ERBB4: variants seen among roughly 807,000 people sequenced by gnomAD.
ERBB4 encodes the protein erb-b2 receptor tyrosine kinase 4, also known as receptor tyrosine-protein kinase erbB-4.
ERBB4 carries 42 observed loss-of-function variants against 158.0 expected under a neutral mutation model. That is an observed-to-expected ratio of 0.27 (90% CI 0.21 to 0.34). ERBB4 has a LOEUF of 0.34. Among genes scored for constraint, ERBB4 ranks in the 10% least tolerant of loss-of-function variants. The probability of loss-of-function intolerance (pLI) is 1.00; values close to 1 mark genes in which losing one functional copy is unlikely to be tolerated. For synonymous variants in ERBB4, 583 were observed against 558.7 expected, an observed-to-expected ratio of 1.04 and a Z score of -0.61; for missense variants, 1,333 against 1,624.1, an observed-to-expected ratio of 0.82 and a Z score of 3.08.
At chr2:211,772,836 C>T (rs58066116) in intron 4 of ERBB4, among the ~76,000 whole-genome samples, 520 of 7,210 alleles carry the variant, frequency 0.072, 18 homozygotes, top group Middle Eastern at 0.2. Flanking sequence ...TATATATATA[C>T]ACATATATAT....
chr2:212,037,694 A>C (rs2077047279), intron 2 of ERBB4, among the ~76,000 whole-genome samples: 1 of 152,188 alleles, frequency 6.6e-6, no homozygotes, highest in Non-Finnish European at 1.5e-5. Flanking sequence ...TCTTATGTGC[A>C]GATTGGTTCT....
intron 19 of ERBB4, among the ~76,000 whole-genome samples, chr2:211,613,861 G>C (rs1431792039): frequency 1.3e-5 from 2 of 152,000 alleles, no homozygotes; most frequent in Non-Finnish European, 2.9e-5. Context: ...ACACTTTGGA[G>C]GTTCCTCAAA....
chr2:211,437,922 A>AAAGAT (rs1169257866), intron 20 of ERBB4, among the ~76,000 whole-genome samples: 1 of 152,202 alleles, frequency 6.6e-6, no homozygotes, highest in Non-Finnish European at 1.5e-5. Flanking sequence ...GGTTAGAGCT[A>AAAGAT]AAGATATAAG....
intron 1 of ERBB4, among the ~76,000 whole-genome samples, chr2:212,277,923 C>A (rs1311587302): frequency 6.6e-6 from 1 of 151,130 alleles, no homozygotes; most frequent in Non-Finnish European, 1.5e-5. Flanking sequence ...TATTTTAAAC[C>A]ATTGCAATAT....
At chr2:211,688,863 G>A (rs906074487) in intron 12 of ERBB4, among the ~76,000 whole-genome samples, 2 of 152,126 alleles carry the variant, frequency 1.3e-5, no homozygotes, top group African/African-American at 4.8e-5. Context: ...ATGCTTTCCT[G>A]TGTAGATAGG....
chr2:211,998,042 T>C (rs1031781900), intron 2 of ERBB4, among the ~76,000 whole-genome samples: 5 of 151,832 alleles, frequency 3.3e-5, no homozygotes, highest in Non-Finnish European at 7.4e-5. Context: ...GTGTGTGATG[T>C]TCCCAGGGGA....
intron 1 of ERBB4, among the ~76,000 whole-genome samples, chr2:212,207,915 C>A (rs573900540): frequency 6.8e-4 from 103 of 151,628 alleles, no homozygotes; most frequent in African/African-American, 2.0e-3. Flanking sequence ...TGATCTTCTG[C>A]AATTTTTTAA....
chr2:212,010,868 A>G (rs1435871970), intron 2 of ERBB4, among the ~76,000 whole-genome samples: 2 of 152,092 alleles, frequency 1.3e-5, no homozygotes, highest in African/African-American at 4.8e-5. Context: ...GGGTATTAAT[A>G]TTAATATTCC....
intron 1 of ERBB4, among the ~76,000 whole-genome samples, chr2:212,529,132 A>G (rs1431963876): frequency 6.6e-6 from 1 of 152,170 alleles, no homozygotes; most frequent in Non-Finnish European, 1.5e-5. Flanking sequence ...AAAAGCTGGC[A>G]TCTTGAGCTT....
intron 13 of ERBB4, among the ~76,000 whole-genome samples, chr2:211,673,665 G>T (rs1307366257): frequency 6.6e-6 from 1 of 151,756 alleles, no homozygotes; most frequent in East Asian, 1.9e-4. Flanking sequence ...AAGAACTATT[G>T]TATTTTTCTT....
intron 1 of ERBB4, 66 bp from the exon 2 acceptor site, chr2:212,124,969 CTT>C (rs1320322397): frequency 6.4e-7 from 1 of 1,564,922 alleles, no homozygotes; most frequent in Non-Finnish European, 8.8e-7. Flanking sequence ...ATGATAATAT[CTT>C]TCTCAAAACT....
In ERBB4 at chr2:212,112,367, C is replaced by T. The variant is rs150384574; in HGVS notation, c.234+12385G>A. Among the ~76,000 whole-genome samples, 705 of 152,234 alleles carry T rather than the reference C, an allele frequency of 4.6e-3. 6 individuals are homozygous for T. Among genetic ancestry groups the T allele is most frequent in the Non-Finnish European group, 8.5e-3 (575 of 68,016 alleles). ...TGTCCCCAGCACTGAGTAATCTTAG[C>T]TCTGTCTGCTCAGGGTCCCCAAATT... On this transcript the variant is annotated intron_variant, in intron 2 of 27. Transcript: ENST00000342788.
intron 3 of ERBB4, among the ~76,000 whole-genome samples, chr2:211,905,657 T>TATATATATATATATATATATATATAC: frequency 1.1e-5 from 1 of 92,704 alleles, no homozygotes; most frequent in East Asian, 3.2e-4. Context: ...CATATATATA[T>TATATATATATATATATATATATATAC]ATATATATAT....
intron 9 of ERBB4, among the ~76,000 whole-genome samples, chr2:211,709,483 G>A (rs1575026739): frequency 6.6e-5 from 10 of 151,614 alleles, no homozygotes; most frequent in Admixed American, 6.6e-4. Flanking sequence ...GTCACTTTTG[G>A]TGGTTTGCAA....
intron 1 of ERBB4, among the ~76,000 whole-genome samples, chr2:212,183,033 G>T (rs1359449764): frequency 1.3e-5 from 2 of 151,574 alleles, no homozygotes; most frequent in African/African-American, 2.4e-5. Context: ...AGTGAAAAAG[G>T]TTATGAGTTT....
chr2:211,948,946 A>G (rs2080791479), intron 2 of ERBB4, among the ~76,000 whole-genome samples: 1 of 140,514 alleles, frequency 7.1e-6, no homozygotes, highest in African/African-American at 2.8e-5. Flanking sequence ...TACACCTATC[A>G]ATGGCTGAAC....
chr2:212,323,734 C>T (rs185152064), intron 1 of ERBB4, among the ~76,000 whole-genome samples: 9 of 150,538 alleles, frequency 6.0e-5, no homozygotes, highest in East Asian at 2.0e-4. Context: ...TTTAGAATAT[C>T]GGTTATTTAT....
chr2:211,591,656 T>C (rs1370597054), intron 19 of ERBB4, among the ~76,000 whole-genome samples: 9 of 152,212 alleles, frequency 5.9e-5, no homozygotes, highest in African/African-American at 1.9e-4. Context: ...ACTGCACTAG[T>C]GGTTCCCCAC....
chr2:211,504,458 A>G (rs950464706), intron 20 of ERBB4, among the ~76,000 whole-genome samples: 4 of 152,066 alleles, frequency 2.6e-5, no homozygotes, highest in Non-Finnish European at 5.9e-5. Context: ...GAAAAAAAAA[A>G]AACTCACCCA....
Sources: allele counts gnomAD v4.1 joint callset (sites outside exome capture counted in the v4.1 genomes callset), GRCh38; gene constraint gnomAD v4.1.1; transcripts MANE v1.5; gene names NCBI Gene and HGNC (gene_info 2026-07-23, HGNC 2026-07-21).